The following GLI3 variants were observed in gnomAD, a reference collection of about 807,000 sequenced individuals.
The protein encoded by GLI3 is GLI family zinc finger 3.
GLI3 carries 20 observed loss-of-function variants against 100.8 expected under a neutral mutation model. The ratio of observed to expected loss-of-function variants is 0.20; its 90% CI spans 0.14 to 0.29. The LOEUF is 0.29. Ranked by LOEUF, GLI3 falls within the 10% of genes least tolerant of loss-of-function variation. The pLI is 1.00. For missense variants in GLI3, 2,040 were observed against 2,128.5 expected (o/e 0.96, Z 0.82); for synonymous variants, 938 against 860.5 (o/e 1.09, Z -1.58).
intron 10 of GLI3, among the ~76,000 whole-genome samples, chr7:42,015,375 C>A (rs1046280755): frequency 7.9e-5 from 12 of 152,194 alleles, no homozygotes; most frequent in Middle Eastern, 3.4e-3. Flanking sequence ...ATTTACAGTT[C>A]TCTTCTCTTG....
intron 2 of GLI3, among the ~76,000 whole-genome samples, chr7:42,170,287 T>TATATATATATATATATACACACACAC (rs1452471645): frequency 1.6e-5 from 2 of 124,004 alleles, no homozygotes; most frequent in South Asian, 2.6e-4. Flanking sequence ...TATATATATA[T>TATATATATATATATATACACACACAC]ACACACACAT....
chr7:42,215,866 A>C (rs183345866), intron 2 of GLI3, among the ~76,000 whole-genome samples: 42 of 130,008 alleles, frequency 3.2e-4, no homozygotes, highest in African/African-American at 1.0e-3. Flanking sequence ...CTATTAGCCA[A>C]TCCTTCAATC....
intron 3 of GLI3, among the ~76,000 whole-genome samples, chr7:42,102,599 G>A (rs147752880): frequency 1.7e-3 from 252 of 152,328 alleles, no homozygotes; most frequent in African/African-American, 5.7e-3. Flanking sequence ...GTACAGGCTG[G>A]GTGTGCACTT....
In GLI3 at chr7:42,025,392, T is replaced by C; in HGVS notation, c.1243-15A>G. ...GTGGGCTTGTTCTGCTGGTCACATTTGCAGAGCCAGAGACAAAAAGATTTT... is the reference window on the plus strand; with the variant it reads ...GTGGGCTTGTTCTGCTGGTCACATTCGCAGAGCCAGAGACAAAAAGATTTT... On this transcript the variant is annotated splice_polypyrimidine_tract_variant and intron_variant, in intron 8 of 14. Transcript: ENST00000395925. The C allele has an allele frequency of 6.4e-7, 1 of 1,573,682 alleles. No homozygotes were observed. Among genetic ancestry groups the C allele is most frequent in the Non-Finnish European group, 8.7e-7 (1 of 1,143,250 alleles).
rs754391600 is a variant in GLI3 at position 41,965,505 on chromosome 7, C to A, written c.3568G>T (p.Ala1190Ser). The A allele has an allele frequency of 6.8e-6, 11 of 1,607,498 alleles. No individual in the cohort carries two copies. Among genetic ancestry groups the A allele is most frequent in the Non-Finnish European group, 7.7e-6 (9 of 1,175,194 alleles). Reference protein sequence around the residue: ...GPRPAVPQTRAFGFCNGMVVH... With the variant: ...GPRPAVPQTRSFGFCNGMVVH... ...ACCATGCCGTTGCAGAACCCAAAGG[C>A]GCGAGTCTGCGGCACAGCGGGCCGC... The change falls in exon 15 of 15, where the codon GCC (alanine) becomes TCC (serine). Residue 1190 changes from alanine (A) to serine (S), a missense_variant. This residue lies in a region of GLI3 where 1,041 missense variants were observed against 924.0 expected (regional missense o/e 1.13). Coordinates refer to ENST00000395925, the MANE Select transcript of GLI3 (RefSeq NM_000168.6).
At chr7:42,184,416 AC>A (rs903690920) in intron 2 of GLI3, among the ~76,000 whole-genome samples, 3 of 152,074 alleles carry the variant, frequency 2.0e-5, no homozygotes, top group Admixed American at 6.5e-5. Flanking sequence ...TCATCAGAGC[AC>A]CCATTCCACC....
chr7:41,999,720 A>T (rs1788232398), intron 10 of GLI3, among the ~76,000 whole-genome samples: 1 of 152,230 alleles, frequency 6.6e-6, no homozygotes, highest in South Asian at 2.1e-4. Flanking sequence ...CATCCAAATG[A>T]GTCTATCCTC....
At chr7:42,072,331 A>G (rs1583531409) in intron 4 of GLI3, among the ~76,000 whole-genome samples, 1 of 152,224 alleles carries the variant, frequency 6.6e-6, no homozygotes. Flanking sequence ...GATTGTACAT[A>G]AGGGCTACAT....
At chr7:41,982,531 CGA>C (rs1411817578) in intron 10 of GLI3, among the ~76,000 whole-genome samples, 1 of 151,624 alleles carries the variant, frequency 6.6e-6, no homozygotes, top group Non-Finnish European at 1.5e-5. Flanking sequence ...AGCAACACAG[CGA>C]GACCCCATGT....
At position 41,966,478 on chromosome 7, in the gene GLI3, T is replaced by C. The variant is rs777710110; in HGVS notation, c.2595A>G (p.Ser865=). The change falls in exon 15 of 15, where the codon TCA becomes TCG. Residue 865 remains serine, a synonymous_variant. Transcript: ENST00000395925. This position sits in a 1 kb window ranked among gnomAD's most constrained non-coding sequence, Gnocchi z 5.8. The part of the protein sequence containing the change: ...SSAYLSSRRS[S]GISPCFSSRR... The stretch of plus-strand genomic sequence containing the variant: ...GGCTGGAGAAGCAGGGCGAGATCCC[T>C]GAGGAGCGGCGGCTGCTCAGGTAGG... 1.2e-6 allele frequency: 2 copies of C among 1,613,292 alleles called. No homozygotes were observed. Among genetic ancestry groups the C allele is most frequent in the Non-Finnish European group, 1.7e-6 (2 of 1,179,902 alleles).
At chr7:42,128,519 C>T (rs1445926843) in intron 3 of GLI3, among the ~76,000 whole-genome samples, 1 of 152,124 alleles carries the variant, frequency 6.6e-6, no homozygotes, top group East Asian at 1.9e-4. Flanking sequence ...ATGATACATG[C>T]CTAGTTTTTA....
At chr7:42,093,909 A>C (rs1785282119) in intron 3 of GLI3, among the ~76,000 whole-genome samples, 2 of 152,110 alleles carry the variant, frequency 1.3e-5, no homozygotes, top group Non-Finnish European at 2.9e-5. Flanking sequence ...TCCCCAAATA[A>C]ACTCAGGACT....
intron 3 of GLI3, chr7:42,145,679 T>C: frequency 2.5e-6 from 1 of 396,090 alleles, no homozygotes; most frequent in East Asian, 3.6e-5. Flanking sequence ...CTCACAAACA[T>C]GACTTAGAGA....
rs373926115 is a variant in GLI3 at position 41,972,440 on chromosome 7, C to A, written c.2000G>T (p.Arg667Leu). The change falls in exon 13 of 15, where the codon CGA (arginine) becomes CTA (leucine). Residue 667 changes from arginine to leucine, a missense_variant. Transcript: ENST00000395925. This position sits in a 1 kb window ranked among gnomAD's most constrained non-coding sequence, Gnocchi z 4.4. ...CTCACCAAGGGCTCCCTGAGTCGGT[C>A]GGCCAGGCGACCTGGACTGTGAATG... ...GSHSQSRSPG[R>L]PTQGALGEQQ... 6.8e-6 allele frequency: 11 copies of A among 1,613,376 alleles called. No individual in the cohort carries two copies. The African/African-American group carries it at 1.2e-4, about 18-fold the overall frequency.
In GLI3 at chr7:42,183,521, G is replaced by A. The variant is rs188413854; in HGVS notation, c.125-35053C>T. On this transcript the variant is annotated intron_variant, in intron 2 of 14. Transcript: ENST00000395925. ...GCTTTGAAAAGTGGACAATTTCTGG[G>A]GACAGCAGATAGGAAGGGGTTCCTA... 8.4e-4 allele frequency among the ~76,000 whole-genome samples: 128 copies of A among 152,234 alleles called. 1 individual carries two copies. The highest frequency in any genetic ancestry group is 2.9e-3 in the African/African-American group (121 of 41,544).
chr7:41,977,916 T>C, intron 11 of GLI3, 194 bp from the exon 12 acceptor site: 12 of 621,882 alleles, frequency 1.9e-5, no homozygotes, highest in South Asian at 1.9e-4. Flanking sequence ...GATAAAGAGT[T>C]TTCAGTGCCA....
chr7:42,052,843 T>G (rs956071413), intron 4 of GLI3, among the ~76,000 whole-genome samples: 1 of 152,218 alleles, frequency 6.6e-6, no homozygotes, highest in Non-Finnish European at 1.5e-5. Context: ...AATGAGTTTC[T>G]AAGCAAACAA....
At chr7:42,080,379 C>T (rs994698144) in intron 3 of GLI3, among the ~76,000 whole-genome samples, 3 of 152,108 alleles carry the variant, frequency 2.0e-5, no homozygotes, top group African/African-American at 7.2e-5. Context: ...ATTCTGCATT[C>T]GAGAATTATG....
At chr7:42,175,197 C>T (rs540695120) in intron 2 of GLI3, among the ~76,000 whole-genome samples, 2 of 152,288 alleles carry the variant, frequency 1.3e-5, no homozygotes, top group South Asian at 2.1e-4. Flanking sequence ...TTGGGATTCA[C>T]CATTGATGCT....
Sources: allele counts gnomAD v4.1 joint callset (sites outside exome capture counted in the v4.1 genomes callset), GRCh38; gene constraint gnomAD v4.1.1; regional missense constraint gnomAD v4.1.1; non-coding constraint Gnocchi (gnomAD v3.1); transcripts MANE v1.5; gene names NCBI Gene and HGNC (gene_info 2026-07-23, HGNC 2026-07-21).